RNF125: variants seen among roughly 807,000 people sequenced by gnomAD.
RNF125 encodes E3 ubiquitin-protein ligase RNF125.
A neutral mutation model predicts 26.0 loss-of-function variants in RNF125; 21 were observed. That is an observed-to-expected ratio of 0.81 (90% CI 0.57 to 1.16). The LOEUF (loss-of-function observed/expected upper bound fraction) is 1.16, where lower values mean the gene tolerates loss of function less well. Ranked by LOEUF, RNF125 falls within the 50% of genes most tolerant of loss-of-function variation. RNF125 has a pLI of 0.00. For missense variants in RNF125, 270 were observed against 299.4 expected, an observed-to-expected ratio of 0.90 and a Z score of 0.72; for synonymous variants, 95 against 109.2, an observed-to-expected ratio of 0.87 and a Z score of 0.81.
chr18:32,057,774 G>A (rs1368896898), intron 4 of RNF125, among the ~76,000 whole-genome samples: 1 of 151,960 alleles, frequency 6.6e-6, no homozygotes, highest in Non-Finnish European at 1.5e-5. Context: ...TGTCTTTAAG[G>A]CGGTTGTTCT....
rs1598805025 is a variant in RNF125, at chr18:32,020,683, T to C, written c.164+1656T>C. Among the ~76,000 whole-genome samples the C allele has an allele frequency of 4.0e-5, 6 of 151,780 alleles. No individual in the cohort carries two copies. The South Asian group carries it at 1.3e-3, about 32-fold the overall frequency. On this transcript the variant is annotated intron_variant, in intron 1 of 5. Coordinates refer to ENST00000217740, the MANE Select transcript of RNF125 (RefSeq NM_017831.4). The stretch of plus-strand genomic sequence containing the variant: ...TAGCACTTTGGGAAGCCGAGGTGGA[T>C]GGATCACCTGAGGTCAGGAGTTCGA...
At chr18:32,076,056 C>T, downstream of RNF125, 1 of 717,780 alleles carries the variant, frequency 1.4e-6, no homozygotes, top group Non-Finnish European at 2.6e-6. Flanking sequence ...TGGGGCTAAT[C>T]ACTCTACACT....
intron 4 of RNF125, among the ~76,000 whole-genome samples, chr18:32,063,117 G>C (rs2039449912): frequency 6.6e-6 from 1 of 151,752 alleles, no homozygotes; most frequent in Non-Finnish European, 1.5e-5. Context: ...CTACTTGGGA[G>C]GCTGAGGCAG....
At chr18:32,075,362 A>G (rs1253890095), downstream of RNF125, among the ~76,000 whole-genome samples, 1 of 152,152 alleles carries the variant, frequency 6.6e-6, no homozygotes. Context: ...GTTCGAGACC[A>G]GCCTGGCCAA....
chr18:32,075,007 G>C (rs2039560572), downstream of RNF125, among the ~76,000 whole-genome samples: 1 of 152,104 alleles, frequency 6.6e-6, no homozygotes, highest in Non-Finnish European at 1.5e-5. Flanking sequence ...CCTTACAACA[G>C]TATTTTCTCA....
rs527858620 is a variant in RNF125 at position 32,044,770 on chromosome 18, C to A, written c.414-872C>A. ...TGGGGTGTTATTTGTTTTCCAACTT[C>A]ACTAGCATATAACTATGTGCATCAG... On this transcript the variant is annotated intron_variant, in intron 3 of 5. Transcript: ENST00000217740. Among the ~76,000 whole-genome samples the A allele has an allele frequency of 2.6e-5, 4 of 152,280 alleles. No individual in the cohort carries two copies. In the South Asian group the frequency reaches 8.3e-4, roughly 32 times the overall value.
chr18:32,058,636 G>T (rs2039408361), intron 4 of RNF125, among the ~76,000 whole-genome samples: 1 of 152,244 alleles, frequency 6.6e-6, no homozygotes, highest in Non-Finnish European at 1.5e-5. Context: ...GTGAGCCCCT[G>T]TGCCTGGCCT....
chr18:32,056,303 C>T (rs1412315633), intron 4 of RNF125, among the ~76,000 whole-genome samples: 1 of 151,886 alleles, frequency 6.6e-6, no homozygotes, highest in Non-Finnish European at 1.5e-5. Context: ...GAGAAAATGA[C>T]TCACATGAAT....
In RNF125 at chr18:32,042,042, C is replaced by T. The variant is rs1486894107; in HGVS notation, c.319-137C>T. On this transcript the variant is annotated intron_variant, in intron 2 of 5. Coordinates refer to ENST00000217740, the MANE Select transcript of RNF125 (RefSeq NM_017831.4). ...GATAATGCCTTAATTTTTGGTGGTA[C>T]TGGTGTTACGAATGCATCTATTTAG... is the stretch of plus-strand genomic sequence containing the variant. 30 of 659,408 alleles carry T rather than the reference C, an allele frequency of 4.5e-5. No individual in the cohort carries two copies. The Admixed American group carries it at 7.7e-4, about 17-fold the overall frequency. The allele number at this position is 659,408 out of a possible 1,614,324, so 40.8% of individuals were successfully genotyped here.
intron 1 of RNF125, among the ~76,000 whole-genome samples, chr18:32,031,746 T>G (rs1278404754): frequency 6.6e-6 from 1 of 152,156 alleles, no homozygotes; most frequent in Non-Finnish European, 1.5e-5. Flanking sequence ...TTAGCTGAGA[T>G]AGAAAGAAGT....
At chr18:32,031,348 G>T (rs943303202) in intron 1 of RNF125, 6 of 151,872 alleles carry the variant, frequency 4.0e-5, no homozygotes, top group African/African-American at 1.5e-4. Flanking sequence ...TCAATAAAAT[G>T]AGGAGAAAGC....
intron 4 of RNF125, 93 bp from the exon 5 acceptor site, chr18:32,065,809 G>A (rs1443481629): frequency 1.2e-5 from 10 of 860,566 alleles, no homozygotes; most frequent in Middle Eastern, 2.3e-4. Flanking sequence ...GGGATTACAG[G>A]CGTAAGCCAC....
chr18:32,040,147 C>T (rs1411625269), intron 2 of RNF125, among the ~76,000 whole-genome samples: 1 of 151,992 alleles, frequency 6.6e-6, no homozygotes, highest in Non-Finnish European at 1.5e-5. Context: ...GCTCCCCATT[C>T]CTTCTACGCA....
intron 4 of RNF125, among the ~76,000 whole-genome samples, chr18:32,047,446 A>G (rs2039283422): frequency 6.6e-6 from 1 of 152,194 alleles, no homozygotes; most frequent in Non-Finnish European, 1.5e-5. Context: ...TATTTCTGCA[A>G]TTAATAATGC....
chr18:32,041,006 A>AT (rs1434401298), intron 2 of RNF125, among the ~76,000 whole-genome samples: 2 of 152,188 alleles, frequency 1.3e-5, no homozygotes, highest in Non-Finnish European at 2.9e-5. Flanking sequence ...TTAAACAATT[A>AT]TAACTGTTTC....
intron 4 of RNF125, among the ~76,000 whole-genome samples, chr18:32,051,294 C>T (rs956056508): frequency 2.2e-4 from 33 of 151,892 alleles, no homozygotes; most frequent in African/African-American, 6.3e-4. Flanking sequence ...TAGAACATAG[C>T]AGGATGTAGT....
chr18:32,086,235 T>C, the RNF125 span, among the ~76,000 whole-genome samples: 12 of 151,774 alleles, frequency 7.9e-5, no homozygotes, highest in Admixed American at 7.9e-4. Flanking sequence ...TTTTTTTTTT[T>C]TAAGAGACAA....
intron 4 of RNF125, among the ~76,000 whole-genome samples, chr18:32,059,795 A>T (rs185532085): frequency 0.012 from 1,796 of 151,304 alleles, 39 homozygotes; most frequent in African/African-American, 0.041. Context: ...GATTTTGACT[A>T]TTTTTTTTTA....
downstream of RNF125, among the ~76,000 whole-genome samples, chr18:32,075,403 C>CA (rs1332526632): frequency 6.6e-6 from 1 of 152,052 alleles, no homozygotes; most frequent in Non-Finnish European, 1.5e-5. Flanking sequence ...ACTAAAAATA[C>CA]AAAAAATTGG....
Sources: allele counts gnomAD v4.1 joint callset (sites outside exome capture counted in the v4.1 genomes callset), GRCh38; gene constraint gnomAD v4.1.1; transcripts MANE v1.5; gene names NCBI Gene and HGNC (gene_info 2026-07-23, HGNC 2026-07-21).